Variants in LRRC66 observed in about 807,000 individuals in gnomAD.
The protein encoded by LRRC66 is leucine-rich repeat-containing protein 66.
A neutral mutation model predicts 24.6 loss-of-function variants in LRRC66; 29 were observed. That is an observed-to-expected ratio of 1.18 (90% CI 0.88 to 1.61). The LOEUF is 1.61. Ranked by LOEUF, LRRC66 falls within the 40% of genes most tolerant of loss-of-function variation. The probability of loss-of-function intolerance (pLI) is 0.00; values close to 1 mark genes in which losing one functional copy is unlikely to be tolerated. For missense variants in LRRC66, 1,124 were observed against 1,058.0 expected (o/e 1.06, Z -0.87); for synonymous variants, 411 against 397.6 (o/e 1.03, Z -0.40).
Position 51,994,563 on chromosome 4 carries a change from C to T in LRRC66, c.2459G>A (p.Gly820Asp). ...TGTGTCATAATCATAAGTGAACATG[C>T]CCGGAAACTCATCCCCTAAGGGACT... Reference protein sequence around the residue: ...GNSPLGDEFPGMFTYDYDTAL... With the variant: ...GNSPLGDEFPDMFTYDYDTAL... The change falls in exon 5 of 5, where the codon GGC becomes GAC. Residue 820 changes from glycine (G) to aspartate (D), a missense_variant. Physicochemically the swap from Gly to Asp is moderately conservative, Grantham distance 94. Coordinates refer to ENST00000682860, the MANE Select transcript of LRRC66 (RefSeq NM_001024611.3). The T allele has an allele frequency of 6.2e-7, 1 of 1,614,152 alleles. No homozygotes were observed. Among genetic ancestry groups the T allele is most frequent in the South Asian group, 1.1e-5 (1 of 91,084 alleles).
In LRRC66 at chr4:51,996,111, C is replaced by T. The variant is rs763070681; in HGVS notation, c.911G>A (p.Arg304His). The change falls in exon 5 of 5, where the codon CGC (arginine) becomes CAC (histidine). Residue 304 changes from arginine to histidine, a missense_variant. Coordinates refer to ENST00000682860, the MANE Select transcript of LRRC66 (RefSeq NM_001024611.3). ...GCGATGCAGATGAATGGGAGGAAGG[C>T]GGGTTTCCCTGGAAATCCTGCTCTG... ...TPQSRISRET[R>H]LPPIHLHRMK... 6.2e-7 allele frequency: 1 copy of T among 1,613,932 alleles called. No homozygotes were observed. Among genetic ancestry groups the T allele is most frequent in the East Asian group, 2.2e-5 (1 of 44,852 alleles).
In LRRC66 at chr4:52,003,375, A is replaced by T; in HGVS notation, c.514T>A (p.Ser172Thr). The T allele has an allele frequency of 5.0e-6, 8 of 1,613,068 alleles. No individual in the cohort carries two copies. Among genetic ancestry groups the T allele is most frequent in the Non-Finnish European group, 5.1e-6 (6 of 1,179,728 alleles). The change falls in exon 3 of 5, where the codon TCA becomes ACA. Residue 172 changes from serine to threonine, a missense_variant. Physicochemically the swap from Ser to Thr is moderately conservative, Grantham distance 58. Coordinates refer to ENST00000682860, the MANE Select transcript of LRRC66 (RefSeq NM_001024611.3). ...AATGACAGATCCAAACTCTGCAATG[A>T]CTTCAGTTTCCACAGTCCTGTTAAA... ...DTPKGLWKLKSLQSLDLSFNG... is the reference protein window; with the variant it reads ...DTPKGLWKLKTLQSLDLSFNG...
intron 2 of LRRC66, among the ~76,000 whole-genome samples, chr4:52,014,467 T>G (rs1736768525): frequency 1.3e-5 from 2 of 152,194 alleles, no homozygotes; most frequent in Admixed American, 1.3e-4. Flanking sequence ...TTGAGATACA[T>G]TTTTTCATTT....
chr4:52,006,681 C>T (rs1578115743), intron 2 of LRRC66, among the ~76,000 whole-genome samples: 2 of 141,324 alleles, frequency 1.4e-5, no homozygotes, highest in East Asian at 4.1e-4. Context: ...TGCACATGTA[C>T]CCTAAAACTT....
intron 3 of LRRC66, 50 bp from the exon 4 acceptor site, chr4:51,997,987 C>A: frequency 1.3e-6 from 2 of 1,488,510 alleles, no homozygotes; most frequent in Non-Finnish European, 1.9e-6. Flanking sequence ...AAGACATTTA[C>A]AGATAAAATA....
chr4:52,006,152 A>G (rs1736577943), intron 2 of LRRC66, among the ~76,000 whole-genome samples: 1 of 152,194 alleles, frequency 6.6e-6, no homozygotes, highest in Admixed American at 6.5e-5. Context: ...GCGATTCCTC[A>G]GGGATCTAGA....
intron 2 of LRRC66, among the ~76,000 whole-genome samples, chr4:52,007,764 G>A (rs77356359): frequency 0.011 from 1,744 of 152,244 alleles, 37 homozygotes; most frequent in African/African-American, 0.036. Flanking sequence ...GAGGTGTTGT[G>A]AGCAAAGATC....
intron 2 of LRRC66, among the ~76,000 whole-genome samples, chr4:52,010,980 T>G (rs933739969): frequency 3.9e-5 from 6 of 152,186 alleles, no homozygotes; most frequent in African/African-American, 1.4e-4. Flanking sequence ...TTATATAAAA[T>G]TATAGAAATG....
chr4:52,017,488 AAT>A lies in LRRC66; in HGVS notation c.124_125del (p.Ile42SerfsTer11). The A allele has an allele frequency of 6.2e-7, 1 of 1,614,072 alleles. No homozygotes were observed. Among genetic ancestry groups the A allele is most frequent in the Non-Finnish European group, 8.5e-7 (1 of 1,179,980 alleles). ...FNSECQWNEY[I>X]LTNCSFTGKC... ...TTCCGGTAAAAGAACAATTTGTCAG[AAT>A]ATATTCATTCCATTGGCATTCAGAA... On this transcript the variant is annotated frameshift_variant, in exon 2 of 5. Coordinates refer to ENST00000682860, the MANE Select transcript of LRRC66 (RefSeq NM_001024611.3). LOFTEE classifies it high-confidence loss of function.
Position 52,017,485 on chromosome 4 carries a change from C to T in LRRC66, c.129G>A (p.Leu43=), listed in dbSNP as rs1736844834. The change falls in exon 2 of 5, where the codon CTG becomes CTA. Residue 43 remains leucine, a synonymous_variant. Coordinates refer to ENST00000682860, the MANE Select transcript of LRRC66 (RefSeq NM_001024611.3). The part of the protein sequence containing the change: ...NSECQWNEYI[L]TNCSFTGKCD... ...ACTTTCCGGTAAAAGAACAATTTGT[C>T]AGAATATATTCATTCCATTGGCATT... The T allele has an allele frequency of 6.2e-7, 1 of 1,613,802 alleles. No individual in the cohort carries two copies. Among genetic ancestry groups the T allele is most frequent in the African/African-American group, 1.3e-5 (1 of 74,888 alleles).
intron 2 of LRRC66, among the ~76,000 whole-genome samples, chr4:52,005,749 G>A (rs1171632615): frequency 6.6e-6 from 1 of 151,766 alleles, no homozygotes; most frequent in Non-Finnish European, 1.5e-5. Flanking sequence ...AAGTCCCTGT[G>A]CACAGCCCTG....
chr4:52,007,557 T>A (rs1736616854), intron 2 of LRRC66, among the ~76,000 whole-genome samples: 1 of 152,148 alleles, frequency 6.6e-6, no homozygotes, highest in African/African-American at 2.4e-5. Context: ...TCCTTAAAAA[T>A]TGTTTCTCAT....
At chr4:51,997,637 G>C in intron 4 of LRRC66, 111 bp downstream of exon 4, 1 of 936,052 alleles carries the variant, frequency 1.1e-6, no homozygotes, top group Admixed American at 2.1e-5. Context: ...TAATGCCAAG[G>C]ATCAGCACTT....
Position 51,997,891 on chromosome 4 carries a change from A to T in LRRC66, c.713T>A (p.Met238Lys), listed in dbSNP as rs371570328. The change falls in exon 4 of 5, where the codon ATG becomes AAG. Residue 238 changes from methionine to lysine, a missense_variant. Coordinates refer to ENST00000682860, the MANE Select transcript of LRRC66 (RefSeq NM_001024611.3). ...ATGGGGAAATTCTAGAGCTATGATC[A>T]TCATTGGTAGGATGGTAATCAGAGC... ...NNALITILPM[M>K]IIALEFPHLV... 1.9e-6 allele frequency: 3 copies of T among 1,614,046 alleles called. No homozygotes were observed. Among genetic ancestry groups the T allele is most frequent in the Middle Eastern group, 1.6e-4 (1 of 6,082 alleles).
chr4:52,015,758 G>A (rs954206634), intron 2 of LRRC66, among the ~76,000 whole-genome samples: 3 of 152,130 alleles, frequency 2.0e-5, no homozygotes, highest in African/African-American at 7.2e-5. Context: ...ATAACCTAGT[G>A]CTTGATTAAA....
In LRRC66 at chr4:51,994,821, G is replaced by T; in HGVS notation, c.2201C>A (p.Ser734Tyr). 2 of 1,614,194 alleles carry T rather than the reference G, an allele frequency of 1.2e-6. No homozygotes were observed. The highest frequency in any genetic ancestry group is 1.3e-5 in the African/African-American group (1 of 75,046). The change falls in exon 5 of 5, where the codon TCC becomes TAC. Residue 734 changes from serine to tyrosine, a missense_variant. Physicochemically the swap from Ser to Tyr is moderately radical, Grantham distance 144. Transcript: ENST00000682860. ...TGCCCCTGAGCTCTCGTCCTGCAGGGACTCCTCATCAGGCACTGCCTCTTC... is the reference window on the plus strand; with the variant it reads ...TGCCCCTGAGCTCTCGTCCTGCAGGTACTCCTCATCAGGCACTGCCTCTTC... ...KTEEAVPDEESLQDESSGASK... is the reference protein window; with the variant it reads ...KTEEAVPDEEYLQDESSGASK...
chr4:51,995,051 T>A lies in LRRC66; in HGVS notation c.1971A>T (p.Pro657=), dbSNP rs1339238646. 5.6e-6 allele frequency: 9 copies of A among 1,614,078 alleles called. No individual in the cohort carries two copies. Among genetic ancestry groups the A allele is most frequent in the Non-Finnish European group, 7.6e-6 (9 of 1,180,048 alleles). ...EALSAHYSEV[P]YGDPRDTGPS... ...GGCCTGTGTCTCTTGGGTCACCGTA[T>A]GGAACCTCGCTGTAGTGGGCTGAAA... The change falls in exon 5 of 5, where the codon CCA becomes CCT. Residue 657 remains proline (P), a synonymous_variant. Coordinates refer to ENST00000682860, the MANE Select transcript of LRRC66 (RefSeq NM_001024611.3).
rs181938053 is a variant in LRRC66 at position 52,006,443 on chromosome 4, T to C, written c.497-3051A>G. Among the ~76,000 whole-genome samples the C allele has an allele frequency of 4.9e-3, 735 of 151,264 alleles. 4 individuals are homozygous for C. The highest frequency in any genetic ancestry group is 0.024 in the Middle Eastern group (7 of 294). ...GGAAATCATCATTCTCAGTAAACTA[T>C]TGCAAGAACAAAAAACCAAACACGG... is the stretch of plus-strand genomic sequence containing the variant. On this transcript the variant is annotated intron_variant, in intron 2 of 4. Transcript: ENST00000682860.
chr4:52,003,501 T>A (rs531999878), intron 2 of LRRC66, 109 bp from the exon 3 acceptor site: 1 of 866,004 alleles, frequency 1.2e-6, no homozygotes, highest in Non-Finnish European at 1.8e-6. Context: ...AATTGAGGTA[T>A]TGTTAAACAA....
Sources: gnomAD v4.1 joint callset for allele counts (sites outside exome capture counted in the v4.1 genomes callset) on GRCh38, gnomAD v4.1.1 for gene constraint, MANE v1.5 for transcripts, NCBI Gene and HGNC (gene_info 2026-07-23, HGNC 2026-07-21) for gene names.